The following MYO1D variants were observed in gnomAD, a reference collection of about 807,000 sequenced individuals.
MYO1D encodes myosin ID.
Under a neutral mutation model 122.0 loss-of-function variants are expected in MYO1D, and 83 were observed. The observed-to-expected ratio is 0.68, with a 90% confidence interval of 0.57 to 0.82. MYO1D has a LOEUF of 0.82. Ranked by LOEUF, MYO1D falls within the 40% of genes least tolerant of loss-of-function variation. The pLI is 0.00. For missense variants in MYO1D, 1,157 were observed against 1,269.5 expected (o/e 0.91, Z 1.35); for synonymous variants, 464 against 446.9 (o/e 1.04, Z -0.48).
intron 1 of MYO1D, among the ~76,000 whole-genome samples, chr17:32,871,277 G>A (rs993531917): frequency 6.6e-6 from 1 of 152,152 alleles, no homozygotes; most frequent in Non-Finnish European, 1.5e-5. Flanking sequence ...AAGAGGAGTG[G>A]AGTTGTTGAC....
intron 14 of MYO1D, among the ~76,000 whole-genome samples, chr17:32,722,010 A>G (rs1040469457): frequency 2.0e-5 from 3 of 152,230 alleles, no homozygotes; most frequent in African/African-American, 4.8e-5. Flanking sequence ...TGATTAAGAT[A>G]CAGAATACTC....
chr17:32,743,445 A>T (rs183797261), intron 13 of MYO1D, among the ~76,000 whole-genome samples: 1 of 152,194 alleles, frequency 6.6e-6, no homozygotes, highest in East Asian at 1.9e-4. Context: ...GTCTTCTCCT[A>T]TCAGGCTCAG....
chr17:32,867,798 C>CAA lies in MYO1D; in HGVS notation c.95+8978_95+8979dup, dbSNP rs5820001. On this transcript the variant is annotated intron_variant, in intron 1 of 21. Transcript: ENST00000318217. ...TGGGCGACAGAGCAAGACTCCGTCTCAAAAAAAAAAAAAAAAAAAAAAAAA... is the reference window on the plus strand; with the variant it reads ...TGGGCGACAGAGCAAGACTCCGTCTCAAAAAAAAAAAAAAAAAAAAAAAAAAA... Among the ~76,000 whole-genome samples the CAA allele has an allele frequency of 5.0e-3, 268 of 53,840 alleles. 1 individual carries two copies. The highest frequency in any genetic ancestry group is 5.4e-3 in the Non-Finnish European group (169 of 31,066). The allele number at this position is 53,840 out of a possible 152,430, so 35.3% of individuals were successfully genotyped here.
chr17:32,771,399 C>A (rs1187305943), intron 5 of MYO1D, among the ~76,000 whole-genome samples, 179 bp from the exon 6 acceptor site: 1 of 152,086 alleles, frequency 6.6e-6, no homozygotes, highest in African/African-American at 2.4e-5. Flanking sequence ...GCTTCAATGT[C>A]ATCAGTTACA....
chr17:32,737,550 G>C (rs1490288702), intron 14 of MYO1D, among the ~76,000 whole-genome samples: 1 of 152,026 alleles, frequency 6.6e-6, no homozygotes, highest in Non-Finnish European at 1.5e-5. Flanking sequence ...TTGTAGAGGA[G>C]GTCTTATTAT....
At position 32,519,903 on chromosome 17, in the gene MYO1D, A is replaced by ATTTT. The variant is rs1567875111; in HGVS notation, c.2865-24989_2865-24988insAAAA. 2.9e-3 allele frequency among the ~76,000 whole-genome samples: 371 copies of ATTTT among 127,724 alleles called. 1 individual carries two copies. Among genetic ancestry groups the ATTTT allele is most frequent in the African/African-American group, 0.011 (331 of 30,774 alleles). 83.8% of individuals were successfully genotyped at this position (127,724 alleles called of 152,430 possible). On this transcript the variant is annotated intron_variant, in intron 21 of 21. Transcript: ENST00000318217. ...GTAAACAGCAGGCTTTTTTTTTTTA[A>ATTTT]AAAAAAAAACCAGGGCGATGTCTTA...
intron 20 of MYO1D, among the ~76,000 whole-genome samples, chr17:32,638,075 G>A (rs948153848): frequency 6.6e-6 from 1 of 152,024 alleles, no homozygotes; most frequent in South Asian, 2.1e-4. Context: ...CCAATATTCC[G>A]GTAGGATCTT....
intron 21 of MYO1D, among the ~76,000 whole-genome samples, chr17:32,583,833 G>A (rs1169798555): frequency 6.6e-6 from 1 of 151,806 alleles, no homozygotes. Flanking sequence ...TCAACCTCCT[G>A]GGCTCAAGTG....
chr17:32,561,087 T>C (rs1185976216), intron 21 of MYO1D, among the ~76,000 whole-genome samples: 2 of 151,918 alleles, frequency 1.3e-5, no homozygotes, highest in Admixed American at 1.3e-4. Flanking sequence ...AATTTTTGTA[T>C]TTTTAGTAGA....
intron 21 of MYO1D, among the ~76,000 whole-genome samples, chr17:32,596,443 C>A (rs2087493733): frequency 6.6e-6 from 1 of 152,190 alleles, no homozygotes; most frequent in Non-Finnish European, 1.5e-5. Context: ...TGTCATGAGG[C>A]CTCACCTCCC....
chr17:32,783,738 C>G (rs1254205167), intron 1 of MYO1D, among the ~76,000 whole-genome samples: 1 of 152,130 alleles, frequency 6.6e-6, no homozygotes, highest in Non-Finnish European at 1.5e-5. Flanking sequence ...AACAGCAACT[C>G]AAATTTCAGT....
intron 21 of MYO1D, among the ~76,000 whole-genome samples, chr17:32,559,988 GGC>G (rs1403528897): frequency 1.3e-5 from 2 of 152,190 alleles, no homozygotes; most frequent in Non-Finnish European, 2.9e-5. Flanking sequence ...CAGGTGTGGT[GGC>G]TCACGCCTGT....
intron 14 of MYO1D, among the ~76,000 whole-genome samples, chr17:32,731,899 G>A (rs1044245631): frequency 7.9e-5 from 12 of 152,312 alleles, no homozygotes; most frequent in East Asian, 7.7e-4. Flanking sequence ...CTGCACTCCC[G>A]GGGACATGGG....
In MYO1D at chr17:32,721,160, G is replaced by C. The variant is rs2089505991; in HGVS notation, c.1776C>G (p.Pro592=). The C allele has an allele frequency of 6.2e-7, 1 of 1,613,754 alleles. No homozygotes were observed. Among genetic ancestry groups the C allele is most frequent in the Admixed American group, 1.7e-5 (1 of 59,970 alleles). The part of the protein sequence containing the change: ...KEPYYVRCIK[P]NDKKSPQIFD... ...ATATCTGTGGAGATTTCTTGTCATT[G>C]GGTTTGATGCAACGAACGTAATATG... The change falls in exon 15 of 22, where the codon CCC becomes CCG. Residue 592 remains proline, a synonymous_variant. Coordinates refer to ENST00000318217, the MANE Select transcript of MYO1D (RefSeq NM_015194.3).
Position 32,772,641 on chromosome 17 carries a change from G to GGTGCGTGCGTGC in MYO1D, c.618+136_618+147dup. On this transcript the variant is annotated intron_variant, in intron 5 of 21. Transcript: ENST00000318217. The stretch of plus-strand genomic sequence containing the variant: ...CTTAAGCAGGTAGGGCAGGGCATGT[G>GGTGCGTGCGTGC]GTGCGTGCGTGCGTGCGTGCATGCG... 3 of 660,322 alleles carry GGTGCGTGCGTGC rather than the reference G, an allele frequency of 4.5e-6. No homozygotes were observed. In the South Asian group the frequency reaches 5.2e-5, roughly 12 times the overall value. 40.9% of individuals were successfully genotyped at this position (660,322 alleles called of 1,614,324 possible).
chr17:32,654,060 CTT>C, intron 18 of MYO1D, 113 bp from the exon 19 acceptor site: 1 of 753,404 alleles, frequency 1.3e-6, no homozygotes, highest in Non-Finnish European at 2.1e-6. Flanking sequence ...CACATGCACT[CTT>C]TATCTCCTCA....
chr17:32,802,218 C>T (rs2151043891), intron 1 of MYO1D, among the ~76,000 whole-genome samples: 1 of 152,290 alleles, frequency 6.6e-6, no homozygotes, highest in African/African-American at 2.4e-5. Context: ...ATGTAGATGC[C>T]TACACATCAC....
intron 1 of MYO1D, among the ~76,000 whole-genome samples, chr17:32,821,534 T>TCA (rs575314294): frequency 0.049 from 7,000 of 143,054 alleles, 254 homozygotes; most frequent in East Asian, 0.19. Flanking sequence ...GATAAGTAAA[T>TCA]CACACATACA....
intron 21 of MYO1D, among the ~76,000 whole-genome samples, chr17:32,551,649 G>C (rs1398905296): frequency 6.6e-6 from 1 of 151,766 alleles, no homozygotes; most frequent in Non-Finnish European, 1.5e-5. Context: ...TCATAATTAT[G>C]TTTGACCTGG....
Sources: gnomAD v4.1 joint callset for allele counts (sites outside exome capture counted in the v4.1 genomes callset) on GRCh38, gnomAD v4.1.1 for gene constraint, MANE v1.5 for transcripts, NCBI Gene and HGNC (gene_info 2026-07-23, HGNC 2026-07-21) for gene names.